The following METTL23 variants were observed in gnomAD, a reference collection of about 807,000 sequenced individuals.
The protein encoded by METTL23 is histone-arginine methyltransferase METTL23.
In METTL23, 24 loss-of-function variants were observed where a neutral mutation model predicts 21.2. That is an observed-to-expected ratio of 1.13 (90% CI 0.82 to 1.59). METTL23 has a LOEUF of 1.59. Ranked by LOEUF, METTL23 falls within the 40% of genes most tolerant of loss-of-function variation. The pLI is 0.00. For synonymous variants in METTL23, 97 were observed against 75.2 expected, an observed-to-expected ratio of 1.29 and a Z score of -1.50; for missense variants, 276 against 221.4, an observed-to-expected ratio of 1.25 and a Z score of -1.57.
At chr17:76,727,964 C>G (rs889737161) in intron 1 of METTL23, among the ~76,000 whole-genome samples, 1 of 152,162 alleles carries the variant, frequency 6.6e-6, no homozygotes, top group African/African-American at 2.4e-5. Context: ...GAGGCATGTC[C>G]CATGCTAAAG....
Position 76,733,808 on chromosome 17 carries a change from C to A in METTL23, c.*122C>A. On this transcript the variant is annotated 3_prime_UTR_variant, in exon 5 of 5. Coordinates refer to ENST00000341249, the MANE Select transcript of METTL23 (RefSeq NM_001080510.5). Reference sequence around the variant, plus strand: ...GTCTGAAGATGGTCAAGTCTGTTTGCCTTAGATTTTGATGTCACCTAGACA... The same window carrying A: ...GTCTGAAGATGGTCAAGTCTGTTTGACTTAGATTTTGATGTCACCTAGACA... 1 of 834,714 alleles carries A rather than the reference C, an allele frequency of 1.2e-6. No homozygotes were observed. The highest frequency in any genetic ancestry group is 1.8e-6 in the Non-Finnish European group (1 of 560,992). The allele number at this position is 834,714 out of a possible 1,614,324, so 51.7% of individuals were successfully genotyped here. A position where few individuals can be genotyped will look rare whatever the true frequency, so the allele number is the denominator to read the frequency against.
rs774868547 is a variant in METTL23 at position 76,726,844 on chromosome 17, C to T, written c.-356C>T. ...GCGCTGCCGCTGTGCCCATCACTTCCGGTCGCGCCAGCCGCCCGTTGCCAG... is the reference window on the plus strand; with the variant it reads ...GCGCTGCCGCTGTGCCCATCACTTCTGGTCGCGCCAGCCGCCCGTTGCCAG... On this transcript the variant is annotated 5_prime_UTR_variant, in exon 1 of 5. Coordinates refer to ENST00000341249, the MANE Select transcript of METTL23 (RefSeq NM_001080510.5). 1.1e-5 allele frequency: 5 copies of T among 436,666 alleles called. No individual in the cohort carries two copies. The highest frequency in any genetic ancestry group is 1.6e-5 in the South Asian group (1 of 61,408). The allele number at this position is 436,666 out of a possible 1,614,324, so 27.0% of individuals were successfully genotyped here.
At position 76,730,795 on chromosome 17, in the gene METTL23, C is replaced by T. The variant is rs138843104; in HGVS notation, c.84+1001C>T. 5.0e-3 allele frequency among the ~76,000 whole-genome samples: 760 copies of T among 152,054 alleles called. 12 individuals carry two copies. Among genetic ancestry groups the T allele is most frequent in the African/African-American group, 0.018 (732 of 41,452 alleles). On this transcript the variant is annotated intron_variant, in intron 2 of 4. Coordinates refer to ENST00000341249, the MANE Select transcript of METTL23 (RefSeq NM_001080510.5). ...CCAGCCTGGCCAACATGGTGAAACC[C>T]CGTCTCTACTATAAATAGAAAAAAT...
intron 2 of METTL23, among the ~76,000 whole-genome samples, chr17:76,732,107 C>T (rs142421997): frequency 2.2e-3 from 309 of 142,574 alleles, no homozygotes; most frequent in African/African-American, 8.6e-3. Context: ...CCTGTAATCC[C>T]AGCACTTTGG....
intron 2 of METTL23, among the ~76,000 whole-genome samples, chr17:76,730,397 G>A (rs1284049060): frequency 8.5e-5 from 13 of 152,132 alleles, no homozygotes; most frequent in African/African-American, 3.1e-4. Context: ...GAGCCCAGGA[G>A]TTTGATACCA....
At chr17:76,727,271 G>T (rs2076983160) in intron 1 of METTL23, 93 bp downstream of exon 1, 1 of 347,912 alleles carries the variant, frequency 2.9e-6, no homozygotes, top group Non-Finnish European at 5.7e-6. Flanking sequence ...GGGTGCGGAC[G>T]CTCAGCTGCG....
At chr17:76,726,471 T>C, upstream of METTL23, 2 of 1,599,310 alleles carry the variant, frequency 1.3e-6, no homozygotes, top group Non-Finnish European at 1.7e-6. Context: ...GCTCTTGTGG[T>C]TCATTCTGCG....
intron 1 of METTL23, among the ~76,000 whole-genome samples, chr17:76,729,366 T>C (rs2077100841): frequency 1.3e-5 from 2 of 151,970 alleles, no homozygotes; most frequent in African/African-American, 4.8e-5. Context: ...CAGGCCTGAG[T>C]CACCGTGCCC....
chr17:76,733,487 C>A (rs1241718137), intron 4 of METTL23, 34 bp from the exon 5 acceptor site: 6 of 1,600,850 alleles, frequency 3.7e-6, no homozygotes, highest in Non-Finnish European at 5.1e-6. Flanking sequence ...ACAGAAAAGG[C>A]ATGACTTTAA....
At position 76,727,034 on chromosome 17, in the gene METTL23, G is replaced by T. The variant is rs1323606968; in HGVS notation, c.-166G>T. The T allele has an allele frequency of 4.4e-6, 2 of 454,998 alleles. No individual in the cohort carries two copies. The highest frequency in any genetic ancestry group is 8.8e-6 in the Non-Finnish European group (2 of 226,184). 28.2% of individuals were successfully genotyped at this position (454,998 alleles called of 1,614,324 possible). On this transcript the variant is annotated 5_prime_UTR_variant, in exon 1 of 5. Transcript: ENST00000341249. ...GTCTGGCAGCCCGGAGCCTTCCGCG[G>T]TCCCCCGCCCGCCCGGGGCCCAACG...
In METTL23 at chr17:76,733,777, C is replaced by A; in HGVS notation, c.*91C>A. Reference sequence around the variant, plus strand: ...AGCAGACCACTTCAGCTTGAGAATGCAGTGGGTCTGAAGATGGTCAAGTCT... The same window carrying A: ...AGCAGACCACTTCAGCTTGAGAATGAAGTGGGTCTGAAGATGGTCAAGTCT... On this transcript the variant is annotated 3_prime_UTR_variant, in exon 5 of 5. Transcript: ENST00000341249. The A allele has an allele frequency of 8.6e-7, 1 of 1,167,394 alleles. No homozygotes were observed. Among genetic ancestry groups the A allele is most frequent in the Non-Finnish European group, 1.2e-6 (1 of 833,904 alleles). The allele number at this position is 1,167,394 out of a possible 1,614,324, so 72.3% of individuals were successfully genotyped here.
intron 1 of METTL23, among the ~76,000 whole-genome samples, chr17:76,729,418 C>T (rs2077103163): frequency 6.6e-6 from 1 of 152,178 alleles, no homozygotes; most frequent in South Asian, 2.1e-4. Flanking sequence ...CTCGTTGCCT[C>T]TCTACAGTAG....
At chr17:76,731,852 TTCTATC>T (rs2077218550) in intron 2 of METTL23, among the ~76,000 whole-genome samples, 1 of 152,220 alleles carries the variant, frequency 6.6e-6, no homozygotes, top group Non-Finnish European at 1.5e-5. Context: ...CTCACAATAA[TTCTATC>T]TCTGTGTCCT....
At position 76,733,195 on chromosome 17, in the gene METTL23, ATG is replaced by A. The variant is rs766701832; in HGVS notation, c.306_307del (p.Phe103LeufsTer2). 1.2e-6 allele frequency: 2 copies of A among 1,613,828 alleles called. No individual in the cohort carries two copies. The highest frequency in any genetic ancestry group is 3.3e-5 in the Admixed American group (2 of 59,998). ...CCACAAGATATTATCCTTGCATCTG[ATG>A]TGTTCTTTGAACCAGAAGGTAAGCT... On this transcript the variant is annotated frameshift_variant, in exon 3 of 5. Transcript: ENST00000341249. LOFTEE classifies it high-confidence loss of function.
chr17:76,732,405 G>T (rs1268046936), intron 2 of METTL23, among the ~76,000 whole-genome samples: 1 of 152,126 alleles, frequency 6.6e-6, no homozygotes. Flanking sequence ...GGAGGCTGAG[G>T]CAGAATTGCT....
chr17:76,733,749 A>G lies in METTL23; in HGVS notation c.*63A>G, dbSNP rs2077353963. 14 of 1,453,374 alleles carry G rather than the reference A, an allele frequency of 9.6e-6. No homozygotes were observed. In the South Asian group the frequency reaches 1.8e-4, roughly 19 times the overall value. 90.0% of individuals were successfully genotyped at this position (1,453,374 alleles called of 1,614,324 possible). On this transcript the variant is annotated 3_prime_UTR_variant, in exon 5 of 5. Transcript: ENST00000341249. ...TGATGAGCAACCTGGCACACAAACT[A>G]TGAGCAGACCACTTCAGCTTGAGAA...
intron 1 of METTL23, among the ~76,000 whole-genome samples, chr17:76,727,802 C>T (rs766654639): frequency 1.3e-5 from 2 of 152,228 alleles, no homozygotes; most frequent in Non-Finnish European, 2.9e-5. Flanking sequence ...GCGATCACAG[C>T]TCACTGCAAC....
intron 2 of METTL23, chr17:76,732,710 A>G (rs1429654577): frequency 1.0e-5 from 5 of 501,110 alleles, no homozygotes; most frequent in Non-Finnish European, 1.8e-5. Context: ...TTCTGTGTGC[A>G]TAGCAATTAA....
chr17:76,728,054 A>G (rs147710987), intron 1 of METTL23, among the ~76,000 whole-genome samples: 38 of 152,294 alleles, frequency 2.5e-4, no homozygotes, highest in African/African-American at 8.2e-4. Context: ...AGCCTGGGCA[A>G]TATAGTGATA....
Sources: allele counts gnomAD v4.1 joint callset (sites outside exome capture counted in the v4.1 genomes callset), GRCh38; gene constraint gnomAD v4.1.1; transcripts MANE v1.5; gene names NCBI Gene and HGNC (gene_info 2026-07-23, HGNC 2026-07-21).